The following USP53 variants were observed in gnomAD, a reference collection of about 807,000 sequenced individuals.
The protein encoded by USP53 is ubiquitin carboxyl-terminal hydrolase 53.
A neutral mutation model predicts 94.9 loss-of-function variants in USP53; 71 were observed. The observed-to-expected ratio is 0.75, with a 90% confidence interval of 0.62 to 0.91. The LOEUF (loss-of-function observed/expected upper bound fraction) is 0.91. USP53 is among the 40% of genes least tolerant of loss of function. The probability of loss-of-function intolerance (pLI) is 0.00; values close to 1 mark genes in which losing one functional copy is unlikely to be tolerated. For missense variants in USP53, 1,173 were observed against 1,281.0 expected (o/e 0.92, Z 1.29); for synonymous variants, 375 against 422.7 (o/e 0.89, Z 1.39).
chr4:119,226,002 G>C (rs1469482581), intron 3 of USP53, among the ~76,000 whole-genome samples: 1 of 152,028 alleles, frequency 6.6e-6, no homozygotes, highest in Non-Finnish European at 1.5e-5. Flanking sequence ...AATCATCTTA[G>C]TATTTACAAA....
intron 3 of USP53, among the ~76,000 whole-genome samples, chr4:119,231,436 G>A (rs1473480318): frequency 6.6e-6 from 1 of 152,136 alleles, no homozygotes; most frequent in Non-Finnish European, 1.5e-5. Flanking sequence ...GGGTATAATA[G>A]TATGATTACA....
At chr4:119,281,906 C>A (rs1423211168) in intron 17 of USP53, among the ~76,000 whole-genome samples, 1 of 152,096 alleles carries the variant, frequency 6.6e-6, no homozygotes, top group Non-Finnish European at 1.5e-5. Context: ...ACGATTACTA[C>A]CATCCATCTC....
chr4:119,253,177 G>A (rs1397164531), intron 7 of USP53, among the ~76,000 whole-genome samples: 1 of 151,962 alleles, frequency 6.6e-6, no homozygotes, highest in Non-Finnish European at 1.5e-5. Flanking sequence ...TAGGTGCTGC[G>A]AAGAATATAT....
chr4:119,238,396 G>A (rs1179912779), intron 4 of USP53, among the ~76,000 whole-genome samples: 1 of 152,204 alleles, frequency 6.6e-6, no homozygotes, highest in Non-Finnish European at 1.5e-5. Context: ...GGTCAGTGGA[G>A]CAGTCAGAAT....
intron 12 of USP53, among the ~76,000 whole-genome samples, chr4:119,265,888 A>G (rs935470714): frequency 2.0e-4 from 30 of 152,352 alleles, no homozygotes; most frequent in Non-Finnish European, 3.2e-4. Context: ...TTATAGAGGT[A>G]TAGTGCACAA....
At chr4:119,291,070 G>A (rs909561807) in intron 17 of USP53, 95 bp from the exon 18 acceptor site, 39 of 602,386 alleles carry the variant, frequency 6.5e-5, no homozygotes, top group Non-Finnish European at 1.0e-4. Flanking sequence ...AAAGCTTTAT[G>A]TAAATATAGA....
intron 3 of USP53, among the ~76,000 whole-genome samples, chr4:119,230,797 A>T (rs1480575965): frequency 6.6e-6 from 1 of 152,122 alleles, no homozygotes; most frequent in Non-Finnish European, 1.5e-5. Context: ...ATATTCAACC[A>T]CTGGGTGGGG....
At chr4:119,223,925 G>C (rs116137079) in intron 3 of USP53, among the ~76,000 whole-genome samples, 2,517 of 152,194 alleles carry the variant, frequency 0.017, 78 homozygotes, top group African/African-American at 0.058. Flanking sequence ...AAGATGATTT[G>C]CATCACAGTC....
chr4:119,285,452 C>T (rs1753993819), intron 17 of USP53, among the ~76,000 whole-genome samples: 1 of 151,780 alleles, frequency 6.6e-6, no homozygotes, highest in African/African-American at 2.4e-5. Context: ...TCAGTTGATC[C>T]TAGAAGTCAG....
chr4:119,292,246 G>A, intron 18 of USP53, 92 bp from the exon 19 acceptor site: 7 of 1,337,432 alleles, frequency 5.2e-6, no homozygotes, highest in Non-Finnish European at 6.9e-6. Context: ...TGTATTTTGG[G>A]AAAATCAAAC....
At chr4:119,286,276 T>C (rs1754103167) in intron 17 of USP53, among the ~76,000 whole-genome samples, 1 of 151,780 alleles carries the variant, frequency 6.6e-6, no homozygotes, top group South Asian at 2.1e-4. Context: ...AGATGAAATA[T>C]ATATTTTGAT....
At chr4:119,229,365 T>TGTTTATATG (rs958076450) in intron 3 of USP53, among the ~76,000 whole-genome samples, 2 of 152,342 alleles carry the variant, frequency 1.3e-5, no homozygotes, top group African/African-American at 4.8e-5. Context: ...TATATGTTCA[T>TGTTTATATG]GACTTGAAAA....
At chr4:119,220,295 GA>G (rs1561180960) in intron 3 of USP53, 1 of 152,026 alleles carries the variant, frequency 6.6e-6, no homozygotes, top group Non-Finnish European at 1.5e-5. Context: ...AAAAAAGAGG[GA>G]AATTGCTGAG....
At chr4:119,238,876 G>T (rs1747150681) in intron 4 of USP53, among the ~76,000 whole-genome samples, 2 of 152,074 alleles carry the variant, frequency 1.3e-5, no homozygotes, top group Non-Finnish European at 2.9e-5. Flanking sequence ...GGAAAAATAT[G>T]ATTCTATGTA....
intron 7 of USP53, among the ~76,000 whole-genome samples, chr4:119,249,522 G>A (rs10001498): frequency 0.062 from 9,423 of 152,000 alleles, 970 homozygotes; most frequent in African/African-American, 0.22. Context: ...TTTCTAGTCA[G>A]CAAAGTTTGT....
chr4:119,215,179 A>G (rs933286027), intron 2 of USP53, among the ~76,000 whole-genome samples: 2 of 152,120 alleles, frequency 1.3e-5, no homozygotes, highest in African/African-American at 4.8e-5. Context: ...TGTTTTAAGG[A>G]GGGAAGTATG....
intron 12 of USP53, among the ~76,000 whole-genome samples, chr4:119,265,626 G>A (rs1206722518): frequency 2.0e-5 from 3 of 151,976 alleles, no homozygotes; most frequent in African/African-American, 4.8e-5. Flanking sequence ...AGCCGAGACC[G>A]TGCCACTGAA....
In USP53 at chr4:119,225,165, A is replaced by G. The variant is rs571762845; in HGVS notation, c.-665+7492A>G. ...TAAGGGGATAATACAGAGTATTGTGAATTTTTTTGCCAATAAATTTGACAA... is the reference window on the plus strand; with the variant it reads ...TAAGGGGATAATACAGAGTATTGTGGATTTTTTTGCCAATAAATTTGACAA... On this transcript the variant is annotated intron_variant, in intron 3 of 18. Coordinates refer to ENST00000692078, the MANE Select transcript of USP53 (RefSeq NM_001371395.1). Among the ~76,000 whole-genome samples the G allele has an allele frequency of 2.0e-5, 3 of 152,296 alleles. No homozygotes were observed. In the South Asian group the frequency reaches 6.2e-4, roughly 32 times the overall value.
At chr4:119,279,613 C>T (rs1338857621) in intron 17 of USP53, among the ~76,000 whole-genome samples, 1 of 151,746 alleles carries the variant, frequency 6.6e-6, no homozygotes, top group East Asian at 2.0e-4. Context: ...CCTCCTTGAG[C>T]TGTGGTGGGC....
Sources: gnomAD v4.1 joint callset for allele counts (sites outside exome capture counted in the v4.1 genomes callset) on GRCh38, gnomAD v4.1.1 for gene constraint, MANE v1.5 for transcripts, NCBI Gene and HGNC (gene_info 2026-07-23, HGNC 2026-07-21) for gene names.